PDZD9: variants seen among roughly 807,000 people sequenced by gnomAD.
PDZD9 encodes PDZ domain containing 9, also known as PDZ domain-containing protein 9.
PDZD9 carries 13 observed loss-of-function variants against 16.3 expected under a neutral mutation model. The observed-to-expected ratio is 0.80, with a 90% CI of 0.52 to 1.27. PDZD9 has a LOEUF of 1.27. PDZD9 is among the 50% of genes most tolerant of loss of function. The pLI, the probability that PDZD9 is intolerant of heterozygous loss-of-function variation, is 0.00. For missense variants in PDZD9, 288 were observed against 310.9 expected (o/e 0.93, Z 0.55); for synonymous variants, 120 against 111.0 (o/e 1.08, Z -0.51).
the PDZD9 span, among the ~76,000 whole-genome samples, chr16:21,964,730 C>A: frequency 6.6e-6 from 1 of 152,216 alleles, no homozygotes; most frequent in African/African-American, 2.4e-5. Context: ...ACTTTTGACA[C>A]ACTGCCGACA....
chr16:21,984,240 A>C lies in PDZD9; in HGVS notation c.*27T>G. On this transcript the variant is annotated 3_prime_UTR_variant, in exon 4 of 4. Coordinates refer to ENST00000424898, the MANE Select transcript of PDZD9 (RefSeq NM_001363519.1). ...GGCACAAAACTTGGGTGTCTGCAAG[A>C]TAAATGCTCATATGACCACAGATTT... is the stretch of plus-strand genomic sequence containing the variant. The C allele has an allele frequency of 6.3e-7, 1 of 1,580,674 alleles. No homozygotes were observed. Among genetic ancestry groups the C allele is most frequent in the Non-Finnish European group, 8.6e-7 (1 of 1,161,380 alleles).
chr16:21,969,677 T>A, the PDZD9 span, among the ~76,000 whole-genome samples: 9 of 152,198 alleles, frequency 5.9e-5, no homozygotes, highest in African/African-American at 2.2e-4. Context: ...AAATTACAGC[T>A]TAAGATATAA....
the PDZD9 span, among the ~76,000 whole-genome samples, chr16:21,972,650 G>A: frequency 2.0e-5 from 3 of 152,268 alleles, no homozygotes; most frequent in South Asian, 2.1e-4. Context: ...CGAGGTGGGC[G>A]GATCACTGGA....
chr16:21,961,655 TATATATATATATA>T, the PDZD9 span, among the ~76,000 whole-genome samples: 3 of 105,732 alleles, frequency 2.8e-5, no homozygotes, highest in Non-Finnish European at 5.4e-5. Context: ...TATATATATA[TATATATATATATA>T]TTTTAGACAG....
intron 2 of PDZD9, among the ~76,000 whole-genome samples, chr16:21,992,035 A>G (rs910655213): frequency 6.6e-6 from 1 of 152,188 alleles, no homozygotes; most frequent in African/African-American, 2.4e-5. Context: ...GTATTTCATT[A>G]TCTACATTTC....
the PDZD9 span, chr16:21,961,345 GAC>G: frequency 4.5e-6 from 2 of 447,394 alleles, no homozygotes; most frequent in Non-Finnish European, 9.0e-6. Context: ...GGTAAAGTAT[GAC>G]AGAGTCATGA....
the PDZD9 span, among the ~76,000 whole-genome samples, chr16:21,970,704 G>A: frequency 6.6e-6 from 1 of 152,142 alleles, no homozygotes; most frequent in South Asian, 2.1e-4. Context: ...TCCGGCCTCA[G>A]CCTCCCGAGT....
intron 1 of PDZD9, 66 bp downstream of exon 1, chr16:22,000,951 G>A (rs1434228039): frequency 8.1e-6 from 12 of 1,490,586 alleles, no homozygotes; most frequent in Non-Finnish European, 1.1e-5. Context: ...CCATTTTACA[G>A]AGGAGGAACA....
At chr16:21,992,394 C>A (rs915753076) in intron 2 of PDZD9, among the ~76,000 whole-genome samples, 1 of 152,100 alleles carries the variant, frequency 6.6e-6, no homozygotes, top group Non-Finnish European at 1.5e-5. Context: ...TCAACTTGAT[C>A]GGTTCAAAGG....
chr16:21,962,472 A>C, the PDZD9 span: 1 of 1,614,138 alleles, frequency 6.2e-7, no homozygotes, highest in Non-Finnish European at 8.5e-7. Flanking sequence ...TGACCGCAAC[A>C]AGGGAAAACA....
chr16:21,982,476 T>G (rs1318744378), downstream of PDZD9, among the ~76,000 whole-genome samples: 1 of 152,166 alleles, frequency 6.6e-6, no homozygotes, highest in Admixed American at 6.5e-5. Flanking sequence ...TATTTGACAG[T>G]GTCAGTGTTG....
At chr16:21,984,713 TG>T in intron 3 of PDZD9, 53 bp from the exon 4 acceptor site, 1 of 1,392,088 alleles carries the variant, frequency 7.2e-7, no homozygotes. Context: ...TAAACATTTA[TG>T]GTCCCCTAAC....
At chr16:21,991,838 G>T (rs1187763622) in intron 2 of PDZD9, among the ~76,000 whole-genome samples, 3 of 152,136 alleles carry the variant, frequency 2.0e-5, no homozygotes, top group African/African-American at 7.2e-5. Flanking sequence ...AGGAGAACTG[G>T]CAGGCTTGTC....
At chr16:21,983,464 C>G (rs1368644442), downstream of PDZD9, 1 of 385,390 alleles carries the variant, frequency 2.6e-6, no homozygotes, top group African/African-American at 2.1e-5. Context: ...ATAGAAGCAT[C>G]AGAAACTATT....
At chr16:21,971,439 C>T in the PDZD9 span, 9 of 1,120,806 alleles carry the variant, frequency 8.0e-6, no homozygotes, top group African/African-American at 1.6e-5. Context: ...ATTTTACAAT[C>T]GTATTTTTAA....
chr16:21,995,878 A>G (rs916367225), intron 2 of PDZD9, among the ~76,000 whole-genome samples: 11 of 152,102 alleles, frequency 7.2e-5, no homozygotes, highest in African/African-American at 2.4e-4. Context: ...TGCAACCTCC[A>G]CTTCCTGGGT....
In PDZD9 at chr16:22,000,009, C is replaced by G. The variant is rs576100023; in HGVS notation, c.31+1008G>C. ...TAAGCCAAGATCATGCCGCTGCACT[C>G]TAGCCTGGGTCACAGAGCAAGACTC... On this transcript the variant is annotated intron_variant, in intron 1 of 3. Coordinates refer to ENST00000424898, the MANE Select transcript of PDZD9 (RefSeq NM_001363519.1). Among the ~76,000 whole-genome samples, 5 of 151,914 alleles carry G rather than the reference C, an allele frequency of 3.3e-5. No homozygotes were observed. The South Asian group carries it at 1.0e-3, about 32-fold the overall frequency.
At chr16:21,962,640 T>C in the PDZD9 span, 31 of 1,588,832 alleles carry the variant, frequency 2.0e-5, no homozygotes, top group Non-Finnish European at 2.6e-5. Flanking sequence ...CATAAACTGC[T>C]CAAAAACACT....
intron 1 of PDZD9, among the ~76,000 whole-genome samples, chr16:21,997,203 A>C (rs1443806982): frequency 6.6e-6 from 1 of 152,208 alleles, no homozygotes; most frequent in African/African-American, 2.4e-5. Flanking sequence ...TATATGTTGG[A>C]TAACAAACTG....
Sources: allele counts gnomAD v4.1 joint callset (sites outside exome capture counted in the v4.1 genomes callset), GRCh38; gene constraint gnomAD v4.1.1; transcripts MANE v1.5; gene names NCBI Gene and HGNC (gene_info 2026-07-23, HGNC 2026-07-21).